The following NBPF12 variants were observed in gnomAD, a reference collection of about 807,000 sequenced individuals.
NBPF12 encodes the protein NBPF member 12, also known as NBPF family member NBPF12.
NBPF12 carries 115 observed loss-of-function variants against 146.4 expected under a neutral mutation model. That is an observed-to-expected ratio of 0.79 (90% confidence interval 0.68 to 0.92). The LOEUF (loss-of-function observed/expected upper bound fraction) is 0.92, where lower values mean the gene tolerates loss of function less well. Among genes scored for constraint, NBPF12 ranks in the 40% least tolerant of loss-of-function variants. The probability of loss-of-function intolerance (pLI) is 0.00; values close to 1 mark genes in which losing one functional copy is unlikely to be tolerated. For synonymous variants in NBPF12, 385 were observed against 508.9 expected (o/e 0.76, Z 3.28); for missense variants, 1,205 against 1,326.8 (o/e 0.91, Z 1.43).
At chr1:146,939,546 G>A (rs1654699641) in intron 1 of NBPF12, among the ~76,000 whole-genome samples, 2 of 152,042 alleles carry the variant, frequency 1.3e-5, no homozygotes, top group Non-Finnish European at 2.9e-5. Flanking sequence ...AGGATTTCTG[G>A]TAGGTTGGAC....
chr1:146,971,177 C>G lies in NBPF12; in HGVS notation c.1380-6C>G. The stretch of plus-strand genomic sequence containing the variant: ...TCTGTCATCTCTGTCCCACCTGGCT[C>G]ATCAGGGAGATGCAGAAGGCTGAAG... On this transcript the variant is annotated splice_polypyrimidine_tract_variant and splice_region_variant and intron_variant, in intron 12 of 33. Transcript: ENST00000617844. 1.2e-6 allele frequency: 2 copies of G among 1,611,190 alleles called. No homozygotes were observed.
At chr1:146,980,412 A>G (rs1657298328) in intron 19 of NBPF12, among the ~76,000 whole-genome samples, 1 of 151,986 alleles carries the variant, frequency 6.6e-6, no homozygotes, top group Non-Finnish European at 1.5e-5. Context: ...CCTAGCTTCA[A>G]TGGTCTTTAG....
upstream of NBPF12, among the ~76,000 whole-genome samples, chr1:146,944,858 CT>C (rs1303473140): frequency 6.7e-6 from 1 of 149,366 alleles, no homozygotes; most frequent in Non-Finnish European, 1.5e-5. Flanking sequence ...CTCTCTCATT[CT>C]TTCCCTCCCT....
Position 146,943,283 on chromosome 1 carries a change from T to C in NBPF12, c.-821-8T>C. 1 of 217,040 alleles carries C rather than the reference T, an allele frequency of 4.6e-6. No homozygotes were observed. The allele number at this position is 217,040 out of a possible 1,614,324, so 13.4% of individuals were successfully genotyped here. A position where few individuals can be genotyped will look rare whatever the true frequency, so the allele number is the denominator to read the frequency against. On this transcript the variant is annotated splice_polypyrimidine_tract_variant and splice_region_variant and intron_variant, in intron 1 of 35. Coordinates refer to the NBPF12 transcript ENST00000617931. ...TGTTAACCTTGATTTCTCTCTTTTA[T>C]CTCATAGGCATTCTGAAGGCAAATC...
chr1:146,972,461 A>G (rs1330131965), intron 13 of NBPF12, among the ~76,000 whole-genome samples: 1 of 151,660 alleles, frequency 6.6e-6, no homozygotes, highest in African/African-American at 2.4e-5. Flanking sequence ...TGTGCTACAC[A>G]GAAACATTGG....
chr1:146,982,444 G>A (rs1489029171), intron 19 of NBPF12, among the ~76,000 whole-genome samples: 9 of 150,856 alleles, frequency 6.0e-5, no homozygotes, highest in South Asian at 2.1e-4. Context: ...CTTCCCATTT[G>A]TTGGTAGTAT....
intron 2 of NBPF12, among the ~76,000 whole-genome samples, chr1:146,955,256 A>T (rs1303983845): frequency 9.8e-5 from 4 of 41,006 alleles, no homozygotes; most frequent in African/African-American, 3.7e-4. Context: ...GTTGGTGAGG[A>T]TATAAAGCAC....
intron 27 of NBPF12, among the ~76,000 whole-genome samples, chr1:146,989,293 C>G (rs1188308628): frequency 4.1e-5 from 6 of 145,416 alleles, no homozygotes; most frequent in Non-Finnish European, 7.6e-5. Context: ...CCTTTGACTC[C>G]CTTACCAGTA....
chr1:146,965,144 G>A, intron 8 of NBPF12, 40 bp downstream of exon 11: 2 of 1,126,114 alleles, frequency 1.8e-6, no homozygotes, highest in South Asian at 2.5e-5. Flanking sequence ...CTCTGTCTAG[G>A]CTATGGAAGA....
At chr1:146,962,330 C>T (rs1403854290) in intron 5 of NBPF12, 67 bp downstream of exon 8, 36 of 1,324,614 alleles carry the variant, frequency 2.7e-5, no homozygotes, top group African/African-American at 1.7e-4. Flanking sequence ...AGCAGCTCGG[C>T]GGGGAGAAGT....
chr1:146,971,324 C>T, exon 13 of NBPF12: 1 of 1,612,124 alleles, frequency 6.2e-7, no homozygotes. Context: ...AAGACAAAGT[C>T]AACTCATCTC....
chr1:146,964,489 C>T lies in NBPF12; in HGVS notation c.566+60C>T, dbSNP rs1348239046. The T allele has an allele frequency of 5.0e-6, 8 of 1,589,978 alleles. No individual in the cohort carries two copies. In the South Asian group the frequency reaches 5.5e-5, roughly 11 times the overall value. On this transcript the variant is annotated intron_variant, in intron 7 of 33. Transcript: ENST00000617844. ...GTAACATATGAAAATGTCTAGAAGG[C>T]ACACCCTCTCTGGCATCTATGGTGG...
exon 5 of NBPF12, chr1:146,962,195 G>A: frequency 2.5e-6 from 4 of 1,608,778 alleles, no homozygotes; most frequent in Non-Finnish European, 3.4e-6. Context: ...TAAAATTTAT[G>A]CTGAGGAATG....
At position 146,994,443 on chromosome 1, in the gene NBPF12, C is replaced by T. The variant is rs1459422012; in HGVS notation, c.4242C>T (p.His1414=). The T allele has an allele frequency of 2.9e-5, 46 of 1,611,936 alleles. No individual in the cohort carries two copies. The South Asian group carries it at 3.8e-4, about 13-fold the overall frequency. The change falls in exon 34 of 34, where the codon CAC becomes CAT. Residue 1414 remains histidine, a synonymous_variant. Transcript: ENST00000617844. ...TTGAACTACCTGACTCATTCCAGCA[C>T]TACAGAAGTGTGTTTTACTCATTTG...
intron 6 of NBPF12, 75 bp from the exon 10 acceptor site, chr1:146,964,282 T>C: frequency 6.3e-7 from 1 of 1,587,274 alleles, no homozygotes; most frequent in Non-Finnish European, 8.6e-7. Flanking sequence ...TGTTCATGTC[T>C]CTGTGCACGT....
At chr1:146,971,348 A>G (rs1553886426) in exon 13 of NBPF12, 1 of 1,611,912 alleles carries the variant, frequency 6.2e-7, no homozygotes, top group Non-Finnish European at 8.5e-7. Flanking sequence ...TTGTAGACAG[A>G]GAATCCTCTC....
In NBPF12 at chr1:146,984,137, A is replaced by G. The variant is rs1391486711; in HGVS notation, c.2618A>G (p.His873Arg). Residue 873 changes from histidine to arginine, a missense_variant, in exon 21 of 34, where the codon CAT (histidine) becomes CGT (arginine). Coordinates refer to ENST00000617844, the Ensembl canonical transcript of NBPF12. ...CCCCATCTGAATTTATTTGCAGGACATCGGTGGGATCAAGTGAAAAAGGAG... is the reference window on the plus strand; with the variant it reads ...CCCCATCTGAATTTATTTGCAGGACGTCGGTGGGATCAAGTGAAAAAGGAG... 1.2e-5 allele frequency: 11 copies of G among 894,898 alleles called. 1 individual carries two copies. Among genetic ancestry groups the G allele is most frequent in the South Asian group, 2.8e-5 (2 of 70,502 alleles). The allele number at this position is 894,898 out of a possible 1,614,324, so 55.4% of individuals were successfully genotyped here. A position where few individuals can be genotyped will look rare whatever the true frequency, so the allele number is the denominator to read the frequency against.
At chr1:146,946,772 C>T (rs1655094561), upstream of NBPF12, among the ~76,000 whole-genome samples, 1 of 150,350 alleles carries the variant, frequency 6.7e-6, no homozygotes, top group South Asian at 2.1e-4. Flanking sequence ...ACCCAGGATC[C>T]CCGAGATTTT....
At chr1:146,964,595 C>T (rs1470729744) in intron 7 of NBPF12, among the ~76,000 whole-genome samples, 166 bp downstream of exon 10, 1 of 151,912 alleles carries the variant, frequency 6.6e-6, no homozygotes, top group Non-Finnish European at 1.5e-5. Flanking sequence ...TGTCATGTTT[C>T]TCTATGTGTG....
Sources: gnomAD v4.1 joint callset for allele counts (sites outside exome capture counted in the v4.1 genomes callset) on GRCh38, gnomAD v4.1.1 for gene constraint, MANE v1.5 for transcripts, NCBI Gene and HGNC (gene_info 2026-07-23, HGNC 2026-07-21) for gene names.